The following STARD13 variants were observed in gnomAD, a reference collection of about 807,000 sequenced individuals.
STARD13 encodes the protein stAR-related lipid transfer protein 13.
In STARD13, 62 loss-of-function variants were observed where a neutral mutation model predicts 106.4. That is an observed-to-expected ratio of 0.58 (90% CI 0.48 to 0.72). The LOEUF (loss-of-function observed/expected upper bound fraction) is 0.72, where lower values mean the gene tolerates loss of function less well. Ranked by LOEUF, STARD13 falls within the 30% of genes least tolerant of loss-of-function variation. STARD13 has a pLI of 0.00. For missense variants in STARD13, 1,387 were observed against 1,424.0 expected, an observed-to-expected ratio of 0.97 and a Z score of 0.42; for synonymous variants, 565 against 553.0, an observed-to-expected ratio of 1.02 and a Z score of -0.31.
chr13:33,503,491 T>A, the STARD13 span, among the ~76,000 whole-genome samples: 1 of 152,240 alleles, frequency 6.6e-6, no homozygotes, highest in East Asian at 1.9e-4. Context: ...CAATTTTAGA[T>A]CTTTCCTGCT....
intron 1 of STARD13, chr13:33,186,009 G>A: frequency 1.2e-6 from 2 of 1,614,196 alleles, no homozygotes; most frequent in Non-Finnish European, 1.7e-6. Context: ...GAGAACTGAG[G>A]AGGGTTCCAG....
At chr13:33,482,091 T>G in the STARD13 span, among the ~76,000 whole-genome samples, 9 of 152,308 alleles carry the variant, frequency 5.9e-5, no homozygotes, top group South Asian at 2.1e-4. Context: ...ATTGTGGTTA[T>G]GTTTTTAAAA....
At chr13:33,139,600 A>G (rs1468416502) in intron 4 of STARD13, among the ~76,000 whole-genome samples, 1 of 152,210 alleles carries the variant, frequency 6.6e-6, no homozygotes, top group Non-Finnish European at 1.5e-5. Context: ...ATGGCTTAAC[A>G]TGGGGACTTA....
the STARD13 span, among the ~76,000 whole-genome samples, chr13:33,612,146 A>G: frequency 4.6e-5 from 7 of 152,212 alleles, no homozygotes; most frequent in African/African-American, 1.7e-4. Context: ...GAACTAAAGT[A>G]GAACTATTGG....
At chr13:33,364,661 G>A in the STARD13 span, among the ~76,000 whole-genome samples, 396 of 152,310 alleles carry the variant, frequency 2.6e-3, 1 homozygote, top group African/African-American at 8.6e-3. Flanking sequence ...AGGCCGAGGC[G>A]GGTGGATCAT....
chr13:33,330,248 G>A (rs947025584), intron 1 of STARD13, among the ~76,000 whole-genome samples: 2 of 152,088 alleles, frequency 1.3e-5, no homozygotes, highest in East Asian at 1.9e-4. Flanking sequence ...CATCTTTGCC[G>A]ACATTTGCTA....
intron 1 of STARD13, among the ~76,000 whole-genome samples, chr13:33,257,976 C>CTT (rs1233780781): frequency 6.6e-6 from 1 of 152,196 alleles, no homozygotes; most frequent in Non-Finnish European, 1.5e-5. Context: ...GGCAAGAGCC[C>CTT]TTTGGCTATT....
the STARD13 span, among the ~76,000 whole-genome samples, chr13:33,468,912 C>T: frequency 6.6e-6 from 1 of 152,082 alleles, no homozygotes; most frequent in South Asian, 2.1e-4. Flanking sequence ...TGGCTAGATC[C>T]ATGGGACAAC....
chr13:33,308,462 T>C (rs1200533107), intron 1 of STARD13, among the ~76,000 whole-genome samples: 1 of 151,774 alleles, frequency 6.6e-6, no homozygotes, highest in African/African-American at 2.4e-5. Flanking sequence ...AATTACTTGT[T>C]TATTTTATTT....
chr13:33,563,410 C>T, the STARD13 span, among the ~76,000 whole-genome samples: 2 of 146,478 alleles, frequency 1.4e-5, no homozygotes, highest in South Asian at 4.3e-4. Flanking sequence ...AATAGAGGAC[C>T]CAGATATAAA....
chr13:33,625,556 G>T, the STARD13 span, among the ~76,000 whole-genome samples: 36 of 150,380 alleles, frequency 2.4e-4, no homozygotes, highest in Non-Finnish European at 4.1e-4. Flanking sequence ...GCGACAGAGC[G>T]AGACTGTCTC....
chr13:33,186,005 T>G, intron 1 of STARD13: 1 of 1,614,192 alleles, frequency 6.2e-7, no homozygotes, highest in Non-Finnish European at 8.5e-7. Flanking sequence ...CATGGAGAAC[T>G]GAGGAGGGTT....
At chr13:33,255,276 A>G (rs1414600477) in intron 1 of STARD13, among the ~76,000 whole-genome samples, 2 of 152,152 alleles carry the variant, frequency 1.3e-5, no homozygotes, top group Non-Finnish European at 2.9e-5. Flanking sequence ...ACTCAGAGGG[A>G]CCCCAGTGTC....
the STARD13 span, among the ~76,000 whole-genome samples, chr13:33,619,113 C>T: frequency 1.3e-5 from 2 of 149,284 alleles, no homozygotes; most frequent in African/African-American, 2.4e-5. Flanking sequence ...CTCTGAAAAC[C>T]GTGGGCATTT....
At chr13:33,425,712 C>G in the STARD13 span, among the ~76,000 whole-genome samples, 6 of 152,158 alleles carry the variant, frequency 3.9e-5, no homozygotes, top group Admixed American at 2.0e-4. Context: ...TACATACAGA[C>G]AGAAAGCAGT....
the STARD13 span, among the ~76,000 whole-genome samples, chr13:33,408,187 G>A: frequency 4.7e-3 from 711 of 152,108 alleles, 7 homozygotes; most frequent in African/African-American, 0.017. Context: ...ATTGACCGTC[G>A]TAATCATTTC....
the STARD13 span, among the ~76,000 whole-genome samples, chr13:33,547,152 A>G: frequency 6.6e-6 from 1 of 152,138 alleles, no homozygotes; most frequent in African/African-American, 2.4e-5. Context: ...TCTTTTGGCC[A>G]TGTATTGATC....
chr13:33,301,558 CTTTTTTTTTCTTTT>C (rs1892710914), intron 1 of STARD13, among the ~76,000 whole-genome samples: 2 of 13,034 alleles, frequency 1.5e-4, no homozygotes, highest in Non-Finnish European at 3.5e-4. Flanking sequence ...GTTTCTTTTT[CTTTTTTTTTCTTTT>C]TTTTTTTTTT....
the STARD13 span, among the ~76,000 whole-genome samples, chr13:33,621,032 G>GA: frequency 1.3e-5 from 2 of 151,490 alleles, no homozygotes; most frequent in South Asian, 4.2e-4. Flanking sequence ...GTTTATATTA[G>GA]AAAAAAGATG....
Sources: gnomAD v4.1 joint callset for allele counts (sites outside exome capture counted in the v4.1 genomes callset) on GRCh38, gnomAD v4.1.1 for gene constraint, MANE v1.5 for transcripts, NCBI Gene and HGNC (gene_info 2026-07-23, HGNC 2026-07-21) for gene names.